ZNRF1: variants seen among roughly 807,000 people sequenced by gnomAD.
ZNRF1 encodes E3 ubiquitin-protein ligase ZNRF1.
In ZNRF1, 3 loss-of-function variants were observed where a neutral mutation model predicts 18.4. The ratio of observed to expected loss-of-function variants is 0.16; its 90% CI spans 0.07 to 0.42. The LOEUF is 0.42. Ranked by LOEUF, ZNRF1 falls within the 10% of genes least tolerant of loss-of-function variation. ZNRF1 has a pLI of 0.99. For synonymous variants in ZNRF1, 157 were observed against 144.2 expected (o/e 1.09, Z -0.64); for missense variants, 310 against 329.8 (o/e 0.94, Z 0.47).
At chr16:75,012,144 G>A (rs2035007606) in intron 1 of ZNRF1, among the ~76,000 whole-genome samples, 1 of 152,190 alleles carries the variant, frequency 6.6e-6, no homozygotes, top group African/African-American at 2.4e-5. Flanking sequence ...ATATCAGAAC[G>A]CTGGTGCTTT....
At chr16:75,015,410 T>C (rs777069668) in intron 1 of ZNRF1, among the ~76,000 whole-genome samples, 2 of 152,250 alleles carry the variant, frequency 1.3e-5, no homozygotes, top group Non-Finnish European at 2.9e-5. Flanking sequence ...ACCTCATCTC[T>C]ACTAAAAATA....
intron 1 of ZNRF1, among the ~76,000 whole-genome samples, chr16:75,035,891 C>T (rs190967841): frequency 2.1e-4 from 32 of 152,302 alleles, no homozygotes; most frequent in Non-Finnish European, 4.0e-4. Flanking sequence ...CATTTTGCCT[C>T]TTAGTGCTCA....
intron 1 of ZNRF1, among the ~76,000 whole-genome samples, chr16:75,093,304 G>C (rs1348337595): frequency 6.6e-6 from 1 of 151,392 alleles, no homozygotes; most frequent in Non-Finnish European, 1.5e-5. Flanking sequence ...AGAATCGCTT[G>C]AACCCGGGAT....
intron 1 of ZNRF1, among the ~76,000 whole-genome samples, chr16:75,043,596 C>G (rs1465000085): frequency 6.6e-6 from 1 of 151,940 alleles, no homozygotes; most frequent in African/African-American, 2.4e-5. Context: ...GATAGATACA[C>G]AGAAATGGAT....
At chr16:75,095,753 G>A in intron 2 of ZNRF1, 1 of 1,520,458 alleles carries the variant, frequency 6.6e-7, no homozygotes, top group Non-Finnish European at 8.9e-7. Flanking sequence ...CCGGGAAGGT[G>A]AGGCTGTCCA....
At chr16:75,036,666 A>G (rs1292433803) in intron 1 of ZNRF1, among the ~76,000 whole-genome samples, 1 of 151,594 alleles carries the variant, frequency 6.6e-6, no homozygotes, top group East Asian at 1.9e-4. Flanking sequence ...ATGTAGAAAC[A>G]ACTTCATTCA....
chr16:75,075,074 A>G (rs1597897060), intron 1 of ZNRF1, among the ~76,000 whole-genome samples: 1 of 93,154 alleles, frequency 1.1e-5, no homozygotes, highest in African/African-American at 4.3e-5. Context: ...TTTCCCCCCT[A>G]TCTCTGGGCA....
intron 1 of ZNRF1, among the ~76,000 whole-genome samples, chr16:75,059,384 A>G (rs2035714584): frequency 6.6e-6 from 1 of 151,386 alleles, no homozygotes; most frequent in African/African-American, 2.4e-5. Flanking sequence ...AGTAGCTGGG[A>G]CTACAGGCAT....
At position 74,999,925 on chromosome 16, in the gene ZNRF1, C is replaced by A; in HGVS notation, c.254C>A (p.Ala85Glu). Residue 85 changes from alanine to glutamate, a missense_variant, in exon 1 of 5, where the codon GCG becomes GAG. Coordinates refer to ENST00000335325, the MANE Select transcript of ZNRF1 (RefSeq NM_032268.5). Reference sequence around the variant, plus strand: ...CGGGGCACCGGCGACTCCGAGAGGGCGCCCGGCGGCGGAGGGTCTGCGTCC... The same window carrying A: ...CGGGGCACCGGCGACTCCGAGAGGGAGCCCGGCGGCGGAGGGTCTGCGTCC... Reference protein sequence around the residue: ...ASRGTGDSERAPGGGGSASDS... With the variant: ...ASRGTGDSEREPGGGGSASDS... 6.4e-7 allele frequency: 1 copy of A among 1,558,786 alleles called. No individual in the cohort carries two copies. The highest frequency in any genetic ancestry group is 1.4e-5 in the African/African-American group (1 of 73,984).
intron 1 of ZNRF1, among the ~76,000 whole-genome samples, chr16:75,060,266 C>G (rs572311558): frequency 1.3e-5 from 2 of 152,128 alleles, no homozygotes; most frequent in South Asian, 2.1e-4. Flanking sequence ...ATTGACCAAG[C>G]TGGTCTCAAA....
Position 75,060,847 on chromosome 16 carries a change from C to T in ZNRF1, c.425-32725C>T, listed in dbSNP as rs1308813580. 3.9e-5 allele frequency among the ~76,000 whole-genome samples: 6 copies of T among 152,204 alleles called. No homozygotes were observed. The East Asian group carries it at 1.2e-3, about 29-fold the overall frequency. On this transcript the variant is annotated intron_variant, in intron 1 of 4. Coordinates refer to ENST00000335325, the MANE Select transcript of ZNRF1 (RefSeq NM_032268.5). ...TAGAATTCCAAGGTCATCTCTATTT[C>T]TCCCCTGTACTATGAGGGTACTGGA... is the stretch of plus-strand genomic sequence containing the variant.
rs138273219 is a variant in ZNRF1, at chr16:75,030,559, C to T, written c.424+30464C>T. On this transcript the variant is annotated intron_variant, in intron 1 of 4. Coordinates refer to ENST00000335325, the MANE Select transcript of ZNRF1 (RefSeq NM_032268.5). ...AGTTTCTTAAATATGACACCAACAG[C>T]ACAAGCAACACAAGAGAAAAATAAT... 7.9e-5 allele frequency among the ~76,000 whole-genome samples: 12 copies of T among 152,192 alleles called. No individual in the cohort carries two copies. In the East Asian group the frequency reaches 2.1e-3, roughly 27 times the overall value.
intron 1 of ZNRF1, among the ~76,000 whole-genome samples, chr16:75,006,957 C>T (rs2034926647): frequency 6.6e-6 from 1 of 152,030 alleles, no homozygotes; most frequent in African/African-American, 2.4e-5. Context: ...GGGTTTCTGT[C>T]CTTTATGTGC....
chr16:75,094,932 C>A (rs540747819), intron 2 of ZNRF1, among the ~76,000 whole-genome samples: 23 of 152,300 alleles, frequency 1.5e-4, no homozygotes, highest in African/African-American at 5.5e-4. Context: ...CTGAGAGCAT[C>A]TGAGGACTGG....
chr16:75,022,291 A>C (rs4888330), intron 1 of ZNRF1, among the ~76,000 whole-genome samples: 133,587 of 151,986 alleles, frequency 0.88, 59,119 homozygotes, highest in Non-Finnish European at 0.93. Flanking sequence ...TGGCTGAGCG[A>C]GGTGGCTCAC....
intron 1 of ZNRF1, among the ~76,000 whole-genome samples, chr16:75,051,199 T>A (rs2035598599): frequency 6.6e-6 from 1 of 151,388 alleles, no homozygotes; most frequent in African/African-American, 2.4e-5. Flanking sequence ...ACTACCCACC[T>A]CCAAATACAT....
intron 1 of ZNRF1, among the ~76,000 whole-genome samples, chr16:75,026,117 T>C (rs1250807608): frequency 2.0e-5 from 3 of 152,194 alleles, no homozygotes; most frequent in Non-Finnish European, 4.4e-5. Context: ...GGCCTGAATT[T>C]TCCTCCCTCT....
At chr16:75,058,100 C>T (rs1567481300) in intron 1 of ZNRF1, among the ~76,000 whole-genome samples, 3 of 87,646 alleles carry the variant, frequency 3.4e-5, no homozygotes, top group East Asian at 3.0e-4. Context: ...TTTTTCCTTT[C>T]CTTTTCTTTT....
chr16:75,032,104 G>GTTTTTTTT (rs1162819265), intron 1 of ZNRF1, among the ~76,000 whole-genome samples: 8 of 108,658 alleles, frequency 7.4e-5, no homozygotes, highest in Admixed American at 1.0e-4. Flanking sequence ...TTCTTGTGAG[G>GTTTTTTTT]TTTTTTTTTT....
Sources: gnomAD v4.1 joint callset for allele counts (sites outside exome capture counted in the v4.1 genomes callset) on GRCh38, gnomAD v4.1.1 for gene constraint, MANE v1.5 for transcripts, NCBI Gene and HGNC (gene_info 2026-07-23, HGNC 2026-07-21) for gene names.